PDSS2: variants seen among roughly 807,000 people sequenced by gnomAD.
The protein encoded by PDSS2 is all trans-polyprenyl-diphosphate synthase PDSS2.
In PDSS2, 31 loss-of-function variants were observed where a neutral mutation model predicts 44.5. The ratio of observed to expected loss-of-function variants is 0.70; its 90% CI spans 0.52 to 0.94. PDSS2 has a LOEUF of 0.94. PDSS2 is among the 40% of genes least tolerant of loss of function. The pLI, the probability that PDSS2 is intolerant of heterozygous loss-of-function variation, is 0.00. For missense variants in PDSS2, 452 were observed against 482.2 expected, an observed-to-expected ratio of 0.94 and a Z score of 0.59; for synonymous variants, 157 against 180.3, an observed-to-expected ratio of 0.87 and a Z score of 1.03.
At chr6:107,192,458 T>A in intron 7 of PDSS2, 1 of 441,590 alleles carries the variant, frequency 2.3e-6, no homozygotes, top group Non-Finnish European at 4.5e-6. Flanking sequence ...AGAAAAGACC[T>A]GAGACAGACT....
intron 4 of PDSS2, among the ~76,000 whole-genome samples, chr6:107,242,364 C>G (rs999165515): frequency 6.6e-6 from 1 of 151,430 alleles, no homozygotes; most frequent in Non-Finnish European, 1.5e-5. Flanking sequence ...CCTGGGTTCA[C>G]GCCATTCTCC....
intron 1 of PDSS2, among the ~76,000 whole-genome samples, chr6:107,425,375 T>C (rs938770787): frequency 4.6e-5 from 7 of 152,180 alleles, no homozygotes; most frequent in African/African-American, 1.4e-4. Context: ...ACTTGTTGAA[T>C]GGCTTTGACA....
chr6:107,267,588 CTT>C (rs55860139), intron 3 of PDSS2, among the ~76,000 whole-genome samples: 3,382 of 132,268 alleles, frequency 0.026, 129 homozygotes, highest in African/African-American at 0.086. Flanking sequence ...GATTCTCTTT[CTT>C]TTTTTTTTTT....
chr6:107,407,691 T>A (rs1307337911), intron 1 of PDSS2, among the ~76,000 whole-genome samples: 5 of 152,274 alleles, frequency 3.3e-5, no homozygotes, highest in Non-Finnish European at 5.9e-5. Flanking sequence ...GAGTAGTACT[T>A]ATTACTAGCA....
intron 7 of PDSS2, among the ~76,000 whole-genome samples, chr6:107,159,110 G>A (rs781783853): frequency 1.3e-5 from 2 of 152,104 alleles, no homozygotes; most frequent in Non-Finnish European, 1.5e-5. Flanking sequence ...TGCACAGAGT[G>A]CCTGATAGTG....
intron 2 of PDSS2, among the ~76,000 whole-genome samples, chr6:107,311,072 C>G (rs1777029642): frequency 6.6e-6 from 1 of 151,974 alleles, no homozygotes; most frequent in Non-Finnish European, 1.5e-5. Context: ...TGCACACCAC[C>G]ACGCCCAGCT....
intron 1 of PDSS2, among the ~76,000 whole-genome samples, chr6:107,444,518 T>TA: frequency 6.6e-6 from 1 of 152,354 alleles, no homozygotes; most frequent in East Asian, 1.9e-4. Context: ...AACTGGGTCT[T>TA]ATTCTTGTTT....
intron 2 of PDSS2, among the ~76,000 whole-genome samples, chr6:107,274,997 G>A (rs1422031398): frequency 1.3e-5 from 2 of 152,030 alleles, no homozygotes; most frequent in Non-Finnish European, 2.9e-5. Flanking sequence ...AATCATAAAT[G>A]CAAAGCTATG....
chr6:107,299,784 T>G (rs1460164976), intron 2 of PDSS2, among the ~76,000 whole-genome samples: 2 of 152,168 alleles, frequency 1.3e-5, no homozygotes, highest in Non-Finnish European at 2.9e-5. Context: ...CAAATACTCA[T>G]TATTGGACAG....
intron 2 of PDSS2, among the ~76,000 whole-genome samples, chr6:107,287,803 G>A (rs1490424478): frequency 6.6e-6 from 1 of 152,146 alleles, no homozygotes; most frequent in African/African-American, 2.4e-5. Flanking sequence ...TCACAGGCGT[G>A]AGCCACTGTG....
chr6:107,314,237 C>T (rs979539256), intron 2 of PDSS2, among the ~76,000 whole-genome samples: 6 of 152,034 alleles, frequency 3.9e-5, no homozygotes, highest in African/African-American at 1.4e-4. Context: ...ACACACACAT[C>T]TTGTCACATG....
chr6:107,160,510 G>A (rs2114274926), intron 7 of PDSS2, among the ~76,000 whole-genome samples: 1 of 139,698 alleles, frequency 7.2e-6, no homozygotes, highest in Admixed American at 7.2e-5. Flanking sequence ...ACCACACCCA[G>A]CTAATTTAAA....
At chr6:107,363,995 G>A (rs568327058) in intron 1 of PDSS2, among the ~76,000 whole-genome samples, 1 of 150,296 alleles carries the variant, frequency 6.7e-6, no homozygotes, top group Non-Finnish European at 1.5e-5. Context: ...TGGTGTATTT[G>A]CAATCCCTGA....
chr6:107,377,682 T>C (rs1227616020), intron 1 of PDSS2, among the ~76,000 whole-genome samples: 1 of 151,828 alleles, frequency 6.6e-6, no homozygotes, highest in Non-Finnish European at 1.5e-5. Flanking sequence ...GTGGCACATA[T>C]ACACCATGGA....
intron 1 of PDSS2, among the ~76,000 whole-genome samples, chr6:107,439,738 T>C (rs570384002): frequency 6.6e-6 from 1 of 152,282 alleles, no homozygotes; most frequent in South Asian, 2.1e-4. Context: ...GAGGTCAGTA[T>C]CTACATGGTA....
intron 4 of PDSS2, among the ~76,000 whole-genome samples, chr6:107,242,364 C>T (rs999165515): frequency 1.3e-5 from 2 of 151,430 alleles, no homozygotes; most frequent in Admixed American, 6.6e-5. Flanking sequence ...CCTGGGTTCA[C>T]GCCATTCTCC....
At position 107,258,979 on chromosome 6, in the gene PDSS2, G is replaced by A. The variant is rs548703635; in HGVS notation, c.631-13360C>T. On this transcript the variant is annotated intron_variant, in intron 3 of 7. Transcript: ENST00000369037. ...TCTGTCAGTTTTCTACTTTAGTAAAGCATGAGGATTTTGCAGTCAGATTGC... is the reference window on the plus strand; with the variant it reads ...TCTGTCAGTTTTCTACTTTAGTAAAACATGAGGATTTTGCAGTCAGATTGC... Among the ~76,000 whole-genome samples the A allele has an allele frequency of 4.7e-4, 72 of 152,270 alleles. 2 individuals carry two copies. The South Asian group carries it at 0.015, about 32-fold the overall frequency.
chr6:107,272,086 A>AAC lies in PDSS2; in HGVS notation c.630+1942_630+1943insGT, dbSNP rs201302092. On this transcript the variant is annotated intron_variant, in intron 3 of 7. Coordinates refer to ENST00000369037, the MANE Select transcript of PDSS2 (RefSeq NM_020381.4). ...AAGAAACATTAAAAAAAAAGAAACAAAAAAAAAAAAAAGGACAACTGATAA... is the reference window on the plus strand; with the variant it reads ...AAGAAACATTAAAAAAAAAGAAACAAACAAAAAAAAAAAAGGACAACTGATAA... 2.4e-3 allele frequency among the ~76,000 whole-genome samples: 314 copies of AAC among 133,100 alleles called. 1 individual carries two copies. Among genetic ancestry groups the AAC allele is most frequent in the African/African-American group, 0.01 (303 of 30,122 alleles). 87.3% of individuals were successfully genotyped at this position (133,100 alleles called of 152,430 possible).
At chr6:107,280,632 T>C (rs887747012) in intron 2 of PDSS2, among the ~76,000 whole-genome samples, 2 of 152,222 alleles carry the variant, frequency 1.3e-5, no homozygotes, top group African/African-American at 4.8e-5. Context: ...ATCCATTCAT[T>C]CCTGTGTTTG....
Sources: allele counts gnomAD v4.1 joint callset (sites outside exome capture counted in the v4.1 genomes callset), GRCh38; gene constraint gnomAD v4.1.1; transcripts MANE v1.5; gene names NCBI Gene and HGNC (gene_info 2026-07-23, HGNC 2026-07-21).